FOCAD: variants seen among roughly 807,000 people sequenced by gnomAD.
FOCAD encodes the protein KIAA1797.
In FOCAD, 198 loss-of-function variants were observed where a neutral mutation model predicts 225.6. The observed-to-expected ratio is 0.88, with a 90% confidence interval of 0.78 to 0.99. The LOEUF (loss-of-function observed/expected upper bound fraction) is 0.99, where lower values mean the gene tolerates loss of function less well. Among genes scored for constraint, FOCAD ranks in the 50% least tolerant of loss-of-function variants. The probability of loss-of-function intolerance (pLI) is 0.00; values close to 1 mark genes in which losing one functional copy is unlikely to be tolerated. For missense variants in FOCAD, 2,713 were observed against 2,123.6 expected (o/e 1.28, Z -5.46); for synonymous variants, 897 against 755.0 (o/e 1.19, Z -3.08).
At chr9:20,870,801 TAA>T (rs1044217550) in intron 18 of FOCAD, among the ~76,000 whole-genome samples, 2 of 152,236 alleles carry the variant, frequency 1.3e-5, no homozygotes, top group African/African-American at 4.8e-5. Flanking sequence ...TTAAGTGTGT[TAA>T]ATGTATTTTT....
At chr9:20,759,960 G>A (rs1418304811) in intron 6 of FOCAD, among the ~76,000 whole-genome samples, 1 of 152,178 alleles carries the variant, frequency 6.6e-6, no homozygotes, top group Non-Finnish European at 1.5e-5. Flanking sequence ...TGCAGTTAGT[G>A]TACTTTCACC....
chr9:20,741,698 T>TTA (rs398010447), intron 5 of FOCAD, among the ~76,000 whole-genome samples: 3 of 149,796 alleles, frequency 2.0e-5, no homozygotes, highest in East Asian at 3.9e-4. Context: ...TTTTTTTTTT[T>TTA]AACATAGTGG....
intron 8 of FOCAD, among the ~76,000 whole-genome samples, chr9:20,777,711 A>G (rs935792540): frequency 6.6e-6 from 1 of 152,216 alleles, no homozygotes; most frequent in Non-Finnish European, 1.5e-5. Flanking sequence ...ATATAGATGA[A>G]TCATGTCTGT....
At chr9:20,659,104 C>G (rs1016368977) in intron 2 of FOCAD, among the ~76,000 whole-genome samples, 2 of 152,124 alleles carry the variant, frequency 1.3e-5, no homozygotes, top group Non-Finnish European at 2.9e-5. Flanking sequence ...CCTGTAGTCC[C>G]AGCTACTTGG....
intron 11 of FOCAD, among the ~76,000 whole-genome samples, chr9:20,800,406 A>T (rs1259259456): frequency 6.6e-6 from 1 of 152,038 alleles, no homozygotes; most frequent in African/African-American, 2.4e-5. Flanking sequence ...CCTTGCTAGA[A>T]TGGGGAAGTT....
At chr9:20,805,762 G>A (rs889796453) in intron 11 of FOCAD, among the ~76,000 whole-genome samples, 10 of 152,138 alleles carry the variant, frequency 6.6e-5, no homozygotes, top group African/African-American at 9.7e-5. Flanking sequence ...TTGGGAAGAC[G>A]AAGGAATAGG....
chr9:20,666,192 A>C (rs1203450868), intron 2 of FOCAD, among the ~76,000 whole-genome samples: 1 of 152,156 alleles, frequency 6.6e-6, no homozygotes, highest in African/African-American at 2.4e-5. Flanking sequence ...GTACTATCTC[A>C]TTGTTTAAAC....
At chr9:20,811,754 A>G (rs567593767) in intron 11 of FOCAD, among the ~76,000 whole-genome samples, 11 of 152,174 alleles carry the variant, frequency 7.2e-5, no homozygotes, top group Middle Eastern at 3.4e-3. Context: ...AATAAACATC[A>G]TAAGTAAAAA....
intron 6 of FOCAD, among the ~76,000 whole-genome samples, chr9:20,763,394 T>G (rs925592778): frequency 4.6e-5 from 7 of 152,178 alleles, no homozygotes; most frequent in African/African-American, 1.7e-4. Flanking sequence ...AATTCAAGGC[T>G]GAAGTGCACT....
chr9:20,695,662 A>G (rs1209494526), intron 1 of FOCAD, among the ~76,000 whole-genome samples: 2 of 152,148 alleles, frequency 1.3e-5, no homozygotes, highest in African/African-American at 4.8e-5. Flanking sequence ...CCACCCATCT[A>G]CCTACTAACT....
At chr9:20,771,587 C>T (rs766332940) in intron 8 of FOCAD, among the ~76,000 whole-genome samples, 5 of 152,056 alleles carry the variant, frequency 3.3e-5, no homozygotes, top group Admixed American at 2.0e-4. Flanking sequence ...GGTGAAACTT[C>T]GCCTCTACTA....
intron 19 of FOCAD, among the ~76,000 whole-genome samples, chr9:20,878,895 G>A (rs1164959174): frequency 6.6e-6 from 1 of 152,166 alleles, no homozygotes; most frequent in Non-Finnish European, 1.5e-5. Context: ...TTTAAAGGCT[G>A]TTGAGCCTGG....
chr9:20,882,065 A>G lies in FOCAD; in HGVS notation c.2503+9A>G. The G allele has an allele frequency of 4.4e-6, 7 of 1,595,322 alleles. No individual in the cohort carries two copies. Among genetic ancestry groups the G allele is most frequent in the South Asian group, 1.1e-5 (1 of 88,632 alleles). On this transcript the variant is annotated intron_variant, in intron 20 of 43. Coordinates refer to ENST00000338382, the MANE Select transcript of FOCAD (RefSeq NM_001375567.1). ...GAAACCTGGCCTTGCAGGTAAGGGT[A>G]GTACATAGTATCAAAAATACAGGTT... is the stretch of plus-strand genomic sequence containing the variant.
intron 2 of FOCAD, among the ~76,000 whole-genome samples, chr9:20,674,399 A>G (rs1234666919): frequency 1.8e-4 from 28 of 152,218 alleles, no homozygotes; most frequent in Admixed American, 1.8e-3. Context: ...GGCAAACACT[A>G]CACATCAGCT....
chr9:20,862,845 G>A (rs1828900326), intron 16 of FOCAD, 133 bp downstream of exon 16: 3 of 939,234 alleles, frequency 3.2e-6, no homozygotes, highest in Non-Finnish European at 4.6e-6. Flanking sequence ...ATATGTTTAT[G>A]GACTCTTAGG....
At chr9:20,684,982 G>C (rs1020874042) in intron 1 of FOCAD, among the ~76,000 whole-genome samples, 2 of 152,220 alleles carry the variant, frequency 1.3e-5, no homozygotes, top group South Asian at 4.1e-4. Flanking sequence ...TTTAGTTTCA[G>C]CTGTGGCGTC....
intron 1 of FOCAD, among the ~76,000 whole-genome samples, chr9:20,685,098 G>T (rs10123948): frequency 0.21 from 32,643 of 151,878 alleles, 3,810 homozygotes; most frequent in African/African-American, 0.31. Context: ...TTTGATGGAT[G>T]CCTTAATGGT....
intron 41 of FOCAD, 91 bp from the exon 42 acceptor site, chr9:20,990,032 A>C: frequency 6.7e-7 from 1 of 1,490,060 alleles, no homozygotes; most frequent in Non-Finnish European, 9.2e-7. Flanking sequence ...GGAAGATGAC[A>C]TTGCCTCACG....
intron 39 of FOCAD, among the ~76,000 whole-genome samples, 183 bp from the exon 40 acceptor site, chr9:20,986,105 T>C (rs892494818): frequency 6.6e-6 from 1 of 152,052 alleles, no homozygotes; most frequent in Non-Finnish European, 1.5e-5. Context: ...GGAGATGGCA[T>C]TACAACCCTC....
Sources: gnomAD v4.1 joint callset for allele counts (sites outside exome capture counted in the v4.1 genomes callset) on GRCh38, gnomAD v4.1.1 for gene constraint, MANE v1.5 for transcripts, NCBI Gene and HGNC (gene_info 2026-07-23, HGNC 2026-07-21) for gene names.